IL22RA1: variants seen among roughly 807,000 people sequenced by gnomAD.
IL22RA1 encodes the protein interleukin 22 receptor subunit alpha 1, also known as interleukin-22 receptor subunit alpha-1.
A neutral mutation model predicts 32.8 loss-of-function variants in IL22RA1; 25 were observed. The ratio of observed to expected loss-of-function variants is 0.76; its 90% CI spans 0.55 to 1.06. The LOEUF (loss-of-function observed/expected upper bound fraction) is 1.06. IL22RA1 is among the 50% of genes least tolerant of loss of function. IL22RA1 has a pLI of 0.00. For synonymous variants in IL22RA1, 305 were observed against 305.0 expected (o/e 1.00, Z 0.00); for missense variants, 709 against 727.4 (o/e 0.97, Z 0.29).
intron 2 of IL22RA1, 129 bp downstream of exon 2, chr1:24,138,453 T>G: frequency 1.0e-6 from 1 of 953,986 alleles, no homozygotes; most frequent in Non-Finnish European, 1.6e-6. Flanking sequence ...GAGCAAAGCT[T>G]TATCTGGGAG....
intron 4 of IL22RA1, among the ~76,000 whole-genome samples, chr1:24,132,785 G>A (rs1251510074): frequency 1.3e-5 from 2 of 151,698 alleles, no homozygotes; most frequent in African/African-American, 2.4e-5. Flanking sequence ...AGGATCTCTT[G>A]AGCCCAGGAG....
At chr1:24,124,254 T>G (rs928370522) in intron 5 of IL22RA1, among the ~76,000 whole-genome samples, 1 of 151,968 alleles carries the variant, frequency 6.6e-6, no homozygotes, top group Non-Finnish European at 1.5e-5. Context: ...AGGGGAGAAG[T>G]GAAAACAGGG....
At chr1:24,130,194 C>T (rs966196836) in intron 4 of IL22RA1, among the ~76,000 whole-genome samples, 6 of 152,166 alleles carry the variant, frequency 3.9e-5, no homozygotes, top group Non-Finnish European at 7.4e-5. Flanking sequence ...CCCATTTTTA[C>T]TGTCTTGTAG....
intron 5 of IL22RA1, among the ~76,000 whole-genome samples, chr1:24,126,526 ATCTGAC>A (rs1384885876): frequency 6.6e-6 from 1 of 152,182 alleles, no homozygotes; most frequent in East Asian, 1.9e-4. Context: ...GTTGGCTGAC[ATCTGAC>A]TAATACCGTG....
Position 24,120,025 on chromosome 1 carries a change from A to T in IL22RA1, c.*780T>A, listed in dbSNP as rs376387178. Reference sequence around the variant, plus strand: ...GCTTGCAAAGTTGTGACATCAGTACAGTGTGTTATTGTACCCGTCCAGGGG... The same window carrying T: ...GCTTGCAAAGTTGTGACATCAGTACTGTGTGTTATTGTACCCGTCCAGGGG... On this transcript the variant is annotated 3_prime_UTR_variant, in exon 7 of 7. Coordinates refer to ENST00000270800, the MANE Select transcript of IL22RA1 (RefSeq NM_021258.4). The T allele has an allele frequency of 3.9e-5, 6 of 152,278 alleles. No individual in the cohort carries two copies. The East Asian group carries it at 9.6e-4, about 24-fold the overall frequency. The allele number at this position is 152,278 out of a possible 1,614,324, so 9.4% of individuals were successfully genotyped here.
chr1:24,126,707 T>A (rs1381876200), intron 5 of IL22RA1, among the ~76,000 whole-genome samples: 1 of 152,182 alleles, frequency 6.6e-6, no homozygotes, highest in Admixed American at 6.5e-5. Flanking sequence ...TTACCAAATC[T>A]ATCACATCCA....
rs1237360363 is a variant in IL22RA1, at chr1:24,121,070, C to T, written c.1460G>A (p.Gly487Glu). 1.2e-6 allele frequency: 2 copies of T among 1,614,154 alleles called. No individual in the cohort carries two copies. Among genetic ancestry groups the T allele is most frequent in the East Asian group, 4.5e-5 (2 of 44,890 alleles). The part of the protein sequence containing the change: ...DPNVLHSGEE[G>E]TPQYLKGQLP... The stretch of plus-strand genomic sequence containing the variant: ...CTGGCCCTTTAGGTACTGTGGTGTC[C>T]CTTCCTCCCCACTGTGTAGCACATT... Residue 487 changes from glycine (G) to glutamate (E), a missense_variant, in exon 7 of 7, where the codon GGG (glycine) becomes GAG (glutamate). Coordinates refer to ENST00000270800, the MANE Select transcript of IL22RA1 (RefSeq NM_021258.4).
chr1:24,128,332 T>C, intron 4 of IL22RA1, 53 bp from the exon 5 acceptor site: 3 of 1,609,306 alleles, frequency 1.9e-6, no homozygotes, highest in Non-Finnish European at 2.5e-6. Flanking sequence ...GATCTCCACA[T>C]AGAGCCCAAG....
In IL22RA1 at chr1:24,121,379, T is replaced by G. The variant is rs750559691; in HGVS notation, c.1151A>C (p.Lys384Thr). The G allele has an allele frequency of 1.9e-6, 3 of 1,570,490 alleles. No individual in the cohort carries two copies. Among genetic ancestry groups the G allele is most frequent in the Non-Finnish European group, 2.6e-6 (3 of 1,155,978 alleles). ...AGGGGCATAGGAGGAAGGCTGGACC[T>G]TAGAGATGGCCTGTGGGGCGTAGAA... ...FPFYAPQAIS[K>T]VQPSSYAPQA... The change falls in exon 7 of 7, where the codon AAG (lysine) becomes ACG (threonine). Residue 384 changes from lysine to threonine, a missense_variant. Transcript: ENST00000270800.
At chr1:24,136,911 G>A (rs1644246070) in intron 3 of IL22RA1, among the ~76,000 whole-genome samples, 1 of 151,234 alleles carries the variant, frequency 6.6e-6, no homozygotes, top group African/African-American at 2.4e-5. Context: ...TAGGGAGGTT[G>A]GGGTGGAGGT....
At chr1:24,128,565 C>T (rs1408438566) in intron 4 of IL22RA1, among the ~76,000 whole-genome samples, 4 of 151,178 alleles carry the variant, frequency 2.6e-5, no homozygotes, top group Admixed American at 2.6e-4. Context: ...TGTGGTTATA[C>T]ACACATAATG....
chr1:24,125,355 G>A (rs1314357766), intron 5 of IL22RA1, among the ~76,000 whole-genome samples: 1 of 152,172 alleles, frequency 6.6e-6, no homozygotes, highest in Non-Finnish European at 1.5e-5. Context: ...ACTCTGCAAG[G>A]AAGCCTCAGT....
intron 4 of IL22RA1, among the ~76,000 whole-genome samples, chr1:24,132,551 C>G (rs865934651): frequency 1.6e-4 from 25 of 151,870 alleles, no homozygotes; most frequent in Admixed American, 3.3e-4. Context: ...CCAGGATGGT[C>G]TGCATCTCCT....
chr1:24,140,516 C>A (rs977917652), intron 1 of IL22RA1, among the ~76,000 whole-genome samples: 1 of 152,130 alleles, frequency 6.6e-6, no homozygotes, highest in Non-Finnish European at 1.5e-5. Flanking sequence ...AGAAGCTGGC[C>A]ATTGAAGAGT....
intron 2 of IL22RA1, 148 bp from the exon 3 acceptor site, chr1:24,137,457 C>T: frequency 1.6e-6 from 1 of 628,114 alleles, no homozygotes; most frequent in Non-Finnish European, 2.7e-6. Context: ...ATTTTGTTCT[C>T]ACAATGATTC....
intron 2 of IL22RA1, 21 bp downstream of exon 2, chr1:24,138,560 TG>T: frequency 6.2e-7 from 1 of 1,612,768 alleles, no homozygotes; most frequent in Non-Finnish European, 8.5e-7. Flanking sequence ...TCAAAGGAGG[TG>T]GGGTCAAGAG....
rs774128989 is a variant in IL22RA1 at position 24,123,339 on chromosome 1, C to A, written c.755G>T (p.Arg252Ile). The change falls in exon 6 of 7, where the codon AGA (arginine) becomes ATA (isoleucine). Residue 252 changes from arginine (R) to isoleucine (I), a missense_variant. By Grantham distance (97) the Arg-to-Ile change is moderately conservative. Coordinates refer to ENST00000270800, the MANE Select transcript of IL22RA1 (RefSeq NM_021258.4). ...LVAVLCYLSY[R>I]YVTKPPAPPN... ...AGGTGCAGGCGGCTTGGTGACATAT[C>A]TGTAGCTCAGGTAGCAGAGTACTGC... 6.2e-7 allele frequency: 1 copy of A among 1,614,192 alleles called. No individual in the cohort carries two copies.
intron 5 of IL22RA1, among the ~76,000 whole-genome samples, chr1:24,123,992 C>G (rs574774538): frequency 6.6e-6 from 1 of 152,230 alleles, no homozygotes; most frequent in Admixed American, 6.5e-5. Flanking sequence ...ACTGCCTAGA[C>G]GGATCACAGG....
intron 5 of IL22RA1, among the ~76,000 whole-genome samples, chr1:24,123,704 A>G (rs1290270667): frequency 6.6e-6 from 1 of 152,224 alleles, no homozygotes; most frequent in Non-Finnish European, 1.5e-5. Flanking sequence ...GCCATATTTT[A>G]ATTCAGAGTT....
Sources: allele counts gnomAD v4.1 joint callset (sites outside exome capture counted in the v4.1 genomes callset), GRCh38; gene constraint gnomAD v4.1.1; transcripts MANE v1.5; gene names NCBI Gene and HGNC (gene_info 2026-07-23, HGNC 2026-07-21).